The following CDH6 variants were observed in gnomAD, a reference collection of about 807,000 sequenced individuals.
The protein encoded by CDH6 is cadherin 6, also known as cadherin-6.
CDH6 carries 31 observed loss-of-function variants against 78.0 expected under a neutral mutation model. The observed-to-expected ratio is 0.40, with a 90% confidence interval of 0.30 to 0.54. The LOEUF (loss-of-function observed/expected upper bound fraction) is 0.54. Among genes scored for constraint, CDH6 ranks in the 20% least tolerant of loss-of-function variants. The pLI is 0.56. For missense variants in CDH6, 724 were observed against 975.9 expected, an observed-to-expected ratio of 0.74 and a Z score of 3.44; for synonymous variants, 376 against 368.8, an observed-to-expected ratio of 1.02 and a Z score of -0.23.
chr5:31,267,592 T>A lies in CDH6; in HGVS notation c.119T>A (p.Leu40His). 1 of 1,613,976 alleles carries A rather than the reference T, an allele frequency of 6.2e-7. No homozygotes were observed. Among genetic ancestry groups the A allele is most frequent in the Non-Finnish European group, 8.5e-7 (1 of 1,180,008 alleles). Residue 40 changes from leucine to histidine, a missense_variant, in exon 2 of 12, where the codon CTC becomes CAC. Leu to His is a moderately conservative substitution (Grantham distance 99). This residue lies in a region of CDH6 where 58 missense variants were observed against 50.8 expected (regional missense o/e 1.14). Transcript: ENST00000265071. ...GFPAKKRALE[L>H]SGNSKNELNR... Reference sequence around the variant, plus strand: ...CCAGCAAAGAAAAGGGCCCTGGAGCTCTCTGGAAACAGCAAAAATGAGCTG... The same window carrying A: ...CCAGCAAAGAAAAGGGCCCTGGAGCACTCTGGAAACAGCAAAAATGAGCTG...
chr5:31,310,287 C>T (rs143512707), intron 7 of CDH6, among the ~76,000 whole-genome samples: 148 of 152,348 alleles, frequency 9.7e-4, no homozygotes, highest in African/African-American at 3.4e-3. Flanking sequence ...CCAAAATAAT[C>T]TCCTTTGACT....
At chr5:31,215,313 C>G (rs530676710) in intron 1 of CDH6, among the ~76,000 whole-genome samples, 59 of 152,190 alleles carry the variant, frequency 3.9e-4, no homozygotes, top group African/African-American at 1.4e-3. Context: ...TTTTACTATC[C>G]ACACCTTTAA....
At chr5:31,194,157 C>A (rs1488454908) in intron 1 of CDH6, among the ~76,000 whole-genome samples, 1 of 151,562 alleles carries the variant, frequency 6.6e-6, no homozygotes, top group Non-Finnish European at 1.5e-5. Flanking sequence ...ACCGATCCGC[C>A]GTGGGGCTGG....
intron 1 of CDH6, among the ~76,000 whole-genome samples, chr5:31,205,680 A>G (rs1224263605): frequency 6.6e-6 from 1 of 152,162 alleles, no homozygotes; most frequent in Non-Finnish European, 1.5e-5. Context: ...CATATGTGTG[A>G]CCATGTATTT....
At chr5:31,235,894 G>C (rs1234415180) in intron 1 of CDH6, among the ~76,000 whole-genome samples, 1 of 152,082 alleles carries the variant, frequency 6.6e-6, no homozygotes, top group Non-Finnish European at 1.5e-5. Flanking sequence ...CCTTTGATCA[G>C]AAAGGAATTG....
intron 1 of CDH6, chr5:31,251,547 T>A (rs1441387810): frequency 6.6e-6 from 1 of 152,192 alleles, no homozygotes; most frequent in Non-Finnish European, 1.5e-5. Context: ...TGTGAGTTGA[T>A]AACAAGGAGT....
chr5:31,276,281 G>T (rs1303409192), intron 2 of CDH6, among the ~76,000 whole-genome samples: 1 of 152,082 alleles, frequency 6.6e-6, no homozygotes, highest in East Asian at 1.9e-4. Flanking sequence ...ATTCTCAAAG[G>T]CCCATGTAAG....
At chr5:31,265,860 C>T (rs1031052984) in intron 1 of CDH6, among the ~76,000 whole-genome samples, 4 of 148,200 alleles carry the variant, frequency 2.7e-5, no homozygotes, top group East Asian at 4.0e-4. Flanking sequence ...CTGCAAGCTC[C>T]GTCTCCTGGG....
chr5:31,299,065 C>G (rs758247381), intron 4 of CDH6, among the ~76,000 whole-genome samples: 3 of 152,092 alleles, frequency 2.0e-5, no homozygotes, highest in Non-Finnish European at 4.4e-5. Flanking sequence ...CATAATTCAC[C>G]TAAATGTCTT....
At chr5:31,295,046 A>G (rs901149005) in intron 3 of CDH6, among the ~76,000 whole-genome samples, 1 of 152,224 alleles carries the variant, frequency 6.6e-6, no homozygotes, top group Non-Finnish European at 1.5e-5. Context: ...CTGAAATTAC[A>G]TATTAACTTT....
At chr5:31,252,141 A>G (rs1195822135) in intron 1 of CDH6, among the ~76,000 whole-genome samples, 2 of 152,200 alleles carry the variant, frequency 1.3e-5, no homozygotes, top group Non-Finnish European at 1.5e-5. Flanking sequence ...CTGTGATTCA[A>G]TTAATTGAAA....
Position 31,299,588 on chromosome 5 carries a change from C to A in CDH6, c.768C>A (p.Ile256=). 1 of 1,613,938 alleles carries A rather than the reference C, an allele frequency of 6.2e-7. No individual in the cohort carries two copies. The highest frequency in any genetic ancestry group is 1.1e-5 in the South Asian group (1 of 91,060). The part of the protein sequence containing the change: ...GGLSGTTTVN[I]TLTDVNDNPP... The stretch of plus-strand genomic sequence containing the variant: ...TATCTGGGACCACCACCGTGAACAT[C>A]ACACTGACTGATGTCAACGACAACC... The change falls in exon 5 of 12, where the codon ATC becomes ATA. Residue 256 remains isoleucine, a synonymous_variant. Transcript: ENST00000265071.
chr5:31,313,235 TA>T, intron 7 of CDH6, 82 bp from the exon 8 acceptor site: 1 of 1,268,278 alleles, frequency 7.9e-7, no homozygotes, highest in Non-Finnish European at 1.1e-6. Context: ...ATATGATGTG[TA>T]CCAGATGTTT....
chr5:31,199,237 A>G (rs1428199870), intron 1 of CDH6, among the ~76,000 whole-genome samples: 4 of 151,756 alleles, frequency 2.6e-5, no homozygotes, highest in Non-Finnish European at 5.9e-5. Context: ...ATACACACAC[A>G]CACATATGTG....
At chr5:31,267,211 G>A (rs1040705742) in intron 1 of CDH6, 135 bp from the exon 2 acceptor site, 10 of 456,896 alleles carry the variant, frequency 2.2e-5, no homozygotes, top group African/African-American at 1.7e-4. Context: ...CGTCTCCTTC[G>A]TTTCAAAATT....
At chr5:31,286,974 T>C (rs1743028451) in intron 2 of CDH6, among the ~76,000 whole-genome samples, 1 of 152,048 alleles carries the variant, frequency 6.6e-6, no homozygotes, top group Non-Finnish European at 1.5e-5. Flanking sequence ...TGGTGGCTTT[T>C]ACAGAGATGA....
intron 1 of CDH6, among the ~76,000 whole-genome samples, chr5:31,209,851 G>C (rs777978982): frequency 6.6e-6 from 1 of 152,134 alleles, no homozygotes; most frequent in Non-Finnish European, 1.5e-5. Context: ...CAGAGTCGAA[G>C]ATGGTTGCTG....
chr5:31,316,223 G>A lies in CDH6; in HGVS notation c.1406G>A (p.Ser469Asn), dbSNP rs369010714. The A allele has an allele frequency of 2.1e-5, 34 of 1,608,000 alleles. No individual in the cohort carries two copies. The highest frequency in any genetic ancestry group is 2.7e-5 in the Non-Finnish European group (32 of 1,178,284). The change falls in exon 9 of 12, where the codon AGT (serine) becomes AAT (asparagine). Residue 469 changes from serine (S) to asparagine (N), a missense_variant. Physicochemically the swap from Ser to Asn is conservative, Grantham distance 46. Coordinates refer to ENST00000265071, the MANE Select transcript of CDH6 (RefSeq NM_004932.4). ...IATEINNPKQ[S>N]SRVPLYIKVL... ...TTTGTGACAGATAATCCAAAGCAAA[G>A]TAGTCGAGTACCTCTATATATTAAA...
rs893619898 is a variant in CDH6 at position 31,294,838 on chromosome 5, A to G, written c.523+582A>G. 1.3e-5 allele frequency among the ~76,000 whole-genome samples: 2 copies of G among 152,188 alleles called. No individual in the cohort carries two copies. Among genetic ancestry groups the G allele is most frequent in the African/African-American group, 4.8e-5 (2 of 41,444 alleles). On this transcript the variant is annotated intron_variant, in intron 3 of 11. Transcript: ENST00000265071. The surrounding 1 kb of genome is among the most constrained non-coding windows in gnomAD (Gnocchi z 4.1). ...TAGAGTGAATTAATATTTTTTACAC[A>G]ATACCTCTACTTTTTTAAATAACTA...
Sources: gnomAD v4.1 joint callset for allele counts (sites outside exome capture counted in the v4.1 genomes callset) on GRCh38, gnomAD v4.1.1 for gene constraint, gnomAD v4.1.1 regional missense constraint, Gnocchi (gnomAD v3.1) non-coding constraint, MANE v1.5 for transcripts, NCBI Gene and HGNC (gene_info 2026-07-23, HGNC 2026-07-21) for gene names.